The following AK8 variants were observed in gnomAD, a reference collection of about 807,000 sequenced individuals.
The protein encoded by AK8 is adenylate kinase 8.
In AK8, 44 loss-of-function variants were observed where a neutral mutation model predicts 54.6. That is an observed-to-expected ratio of 0.81 (90% confidence interval 0.63 to 1.04). The LOEUF is 1.04. Ranked by LOEUF, AK8 falls within the 50% of genes least tolerant of loss-of-function variation. The pLI is 0.00. For synonymous variants in AK8, 239 were observed against 245.6 expected, an observed-to-expected ratio of 0.97 and a Z score of 0.25; for missense variants, 555 against 613.6, an observed-to-expected ratio of 0.90 and a Z score of 1.01.
intron 11 of AK8, among the ~76,000 whole-genome samples, chr9:132,747,715 G>A (rs904308962): frequency 8.0e-5 from 12 of 149,996 alleles, no homozygotes; most frequent in African/African-American, 2.9e-4. Flanking sequence ...ACAGGTGTGA[G>A]CCACCATGCC....
chr9:132,821,272 G>T lies in AK8; in HGVS notation c.889+1933C>A, dbSNP rs371397844. 3.3e-4 allele frequency among the ~76,000 whole-genome samples: 50 copies of T among 151,692 alleles called. No individual in the cohort carries two copies. The East Asian group carries it at 4.1e-3, about 12-fold the overall frequency. ...CCCTCCACCGCGAGTGCCCCTCCAC[G>T]CTCACTCTGTCCCTTCCCGTAACGA... On this transcript the variant is annotated intron_variant, in intron 9 of 12. Coordinates refer to ENST00000298545, the MANE Select transcript of AK8 (RefSeq NM_152572.3).
At chr9:132,765,659 G>A (rs551065990) in intron 11 of AK8, among the ~76,000 whole-genome samples, 14 of 152,172 alleles carry the variant, frequency 9.2e-5, no homozygotes, top group African/African-American at 1.7e-4. Flanking sequence ...AACCCTCAAC[G>A]AACAATGTAT....
chr9:132,845,905 A>T (rs1363823865), intron 5 of AK8, among the ~76,000 whole-genome samples: 1 of 34,454 alleles, frequency 2.9e-5, no homozygotes, highest in African/African-American at 4.7e-5. Flanking sequence ...GAAATTTTTT[A>T]AAAATCACGG....
At chr9:132,849,623 C>A (rs1314814802) in intron 5 of AK8, among the ~76,000 whole-genome samples, 2 of 152,150 alleles carry the variant, frequency 1.3e-5, no homozygotes, top group Non-Finnish European at 2.9e-5. Context: ...GCCAGTGTTG[C>A]AGCCCGGCCG....
At position 132,860,204 on chromosome 9, in the gene AK8, G is replaced by A. The variant is rs1843329883; in HGVS notation, c.333+3461C>T. ...TCACATGTCCCTGATGGTCCAGTGA[G>A]GGAGGGGCCTGAGCAGGAGAGGGCC... On this transcript the variant is annotated intron_variant, in intron 4 of 12. Coordinates refer to ENST00000298545, the MANE Select transcript of AK8 (RefSeq NM_152572.3). The surrounding 1 kb of genome is among the most constrained non-coding windows in gnomAD (Gnocchi z 4.4). Among the ~76,000 whole-genome samples the A allele has an allele frequency of 6.6e-6, 1 of 152,212 alleles. No individual in the cohort carries two copies. The highest frequency in any genetic ancestry group is 2.4e-5 in the African/African-American group (1 of 41,468).
chr9:132,792,692 C>T lies in AK8; in HGVS notation c.1063G>A (p.Val355Ile), dbSNP rs766546029. Residue 355 changes from valine to isoleucine, a missense_variant, in exon 11 of 13, where the codon GTC becomes ATC. Coordinates refer to ENST00000298545, the MANE Select transcript of AK8 (RefSeq NM_152572.3). The part of the protein sequence containing the change: ...CIQKGWVLHG[V>I]PRDLDQAHLL... Reference sequence around the variant, plus strand: ...TGTGCCTGGTCGAGGTCCCGCGGGACGCCGTGTAGCACCCAGCCTTTCTGG... The same window carrying T: ...TGTGCCTGGTCGAGGTCCCGCGGGATGCCGTGTAGCACCCAGCCTTTCTGG... 1.4e-4 allele frequency: 220 copies of T among 1,556,032 alleles called. No individual in the cohort carries two copies. The highest frequency in any genetic ancestry group is 1.8e-4 in the Non-Finnish European group (202 of 1,150,266).
In AK8 at chr9:132,727,417, TC is replaced by T; in HGVS notation, c.1202+36del. 3.1e-6 allele frequency: 5 copies of T among 1,600,532 alleles called. 1 individual carries two copies. Among genetic ancestry groups the T allele is most frequent in the Non-Finnish European group, 4.3e-6 (5 of 1,167,904 alleles). ...GTCAGTTGGGTCTGGCCCCTGGCAG[TC>T]CCCAGACTGCCAACCACCAGGAACA... On this transcript the variant is annotated intron_variant, in intron 12 of 12. Coordinates refer to ENST00000298545, the MANE Select transcript of AK8 (RefSeq NM_152572.3).
chr9:132,840,341 C>T (rs767659164), intron 5 of AK8, among the ~76,000 whole-genome samples: 40 of 151,926 alleles, frequency 2.6e-4, no homozygotes, highest in Admixed American at 1.8e-3. Flanking sequence ...ATTACGCTCG[C>T]GTTTGGCAAC....
Position 132,876,887 on chromosome 9 carries a change from C to T in AK8, c.84+1285G>A, listed in dbSNP as rs377489182. Among the ~76,000 whole-genome samples, 4 of 151,580 alleles carry T rather than the reference C, an allele frequency of 2.6e-5. No individual in the cohort carries two copies. In the East Asian group the frequency reaches 5.8e-4, roughly 22 times the overall value. ...CAGTCCGGGCAACATAGCAAGACCT[C>T]GTCTGTACTAAAATTAAAAAAAAAA... On this transcript the variant is annotated intron_variant, in intron 1 of 12. Transcript: ENST00000298545.
chr9:132,764,019 G>A (rs779712016), intron 11 of AK8, among the ~76,000 whole-genome samples: 18 of 152,318 alleles, frequency 1.2e-4, no homozygotes, highest in Non-Finnish European at 2.1e-4. Flanking sequence ...ATCAGAGCAG[G>A]CTAGGAGCAA....
chr9:132,807,772 T>C (rs968569217), intron 10 of AK8, among the ~76,000 whole-genome samples: 4 of 152,230 alleles, frequency 2.6e-5, no homozygotes, highest in African/African-American at 9.6e-5. Flanking sequence ...GCTCATTTTA[T>C]ATTAAGTGAA....
chr9:132,738,220 A>AT (rs1020164529), intron 11 of AK8, among the ~76,000 whole-genome samples: 9 of 151,896 alleles, frequency 5.9e-5, no homozygotes, highest in Non-Finnish European at 1.3e-4. Context: ...CGCCCGGCTA[A>AT]TTTTTTGTAT....
chr9:132,823,923 G>C (rs191449995), intron 8 of AK8, among the ~76,000 whole-genome samples: 205 of 152,354 alleles, frequency 1.3e-3, no homozygotes, highest in Non-Finnish European at 1.8e-3. Flanking sequence ...CACCAACTTT[G>C]TTGCGACTCT....
chr9:132,800,961 G>A (rs1402775772), intron 10 of AK8, among the ~76,000 whole-genome samples: 1 of 132,568 alleles, frequency 7.5e-6, no homozygotes, highest in Middle Eastern at 6.2e-3. Flanking sequence ...GTCTCGCTCT[G>A]TCGCCCAGGC....
At chr9:132,741,024 C>T (rs1260505300) in intron 11 of AK8, among the ~76,000 whole-genome samples, 1 of 152,170 alleles carries the variant, frequency 6.6e-6, no homozygotes, top group African/African-American at 2.4e-5. Flanking sequence ...TGGCACCTGG[C>T]CACCCAGCCT....
rs172541 is a variant in AK8, at chr9:132,803,461, C to T, written c.980-10686G>A. Among the ~76,000 whole-genome samples the T allele has an allele frequency of 0.28, 42,920 of 152,032 alleles. 6,222 individuals carry two copies. The highest frequency in any genetic ancestry group is 0.49 in the East Asian group (2,523 of 5,160). ...ACCATTACTACCACTAAGATGATGA[C>T]GATGGCAACTCCATTCTTGATAATA... On this transcript the variant is annotated intron_variant, in intron 10 of 12. Coordinates refer to ENST00000298545, the MANE Select transcript of AK8 (RefSeq NM_152572.3). This position sits in a 1 kb window ranked among gnomAD's most constrained non-coding sequence, Gnocchi z 4.4.
chr9:132,862,084 C>T (rs1267856851), intron 4 of AK8, among the ~76,000 whole-genome samples: 1 of 152,208 alleles, frequency 6.6e-6, no homozygotes, highest in Non-Finnish European at 1.5e-5. Flanking sequence ...CCCAAGAAAG[C>T]TTATCTTCTG....
intron 5 of AK8, among the ~76,000 whole-genome samples, chr9:132,829,110 C>A (rs1307607777): frequency 6.6e-6 from 1 of 152,032 alleles, no homozygotes; most frequent in African/African-American, 2.4e-5. Context: ...GCATGTGCCA[C>A]CACACCCGGC....
upstream of AK8, chr9:132,878,465 C>T (rs1461478076): frequency 8.2e-7 from 1 of 1,221,218 alleles, no homozygotes; most frequent in Non-Finnish European, 1.0e-6. This position sits in a 1 kb window ranked among gnomAD's most constrained non-coding sequence, Gnocchi z 4.7. Flanking sequence ...CCCGGCCTCG[C>T]TTTTCCCATT....
Sources: gnomAD v4.1 joint callset for allele counts (sites outside exome capture counted in the v4.1 genomes callset) on GRCh38, gnomAD v4.1.1 for gene constraint, Gnocchi (gnomAD v3.1) non-coding constraint, MANE v1.5 for transcripts, NCBI Gene and HGNC (gene_info 2026-07-23, HGNC 2026-07-21) for gene names.